The following OPA1 variants were observed in gnomAD, a reference collection of about 807,000 sequenced individuals.
OPA1 encodes the protein dynamin-like GTPase OPA1, mitochondrial.
Under a neutral mutation model 152.9 loss-of-function variants are expected in OPA1, and 59 were observed. The ratio of observed to expected loss-of-function variants is 0.39; its 90% CI spans 0.31 to 0.48. OPA1 has a LOEUF of 0.48. Among genes scored for constraint, OPA1 ranks in the 20% least tolerant of loss-of-function variants. OPA1 has a pLI of 0.96. For missense variants in OPA1, 1,008 were observed against 1,216.8 expected (o/e 0.83, Z 2.55); for synonymous variants, 400 against 389.9 (o/e 1.03, Z -0.31).
intron 29 of OPA1, among the ~76,000 whole-genome samples, chr3:193,678,943 AGTT>A (rs1719653725): frequency 1.3e-5 from 2 of 152,150 alleles, no homozygotes; most frequent in Admixed American, 6.5e-5. Flanking sequence ...CTTCTACTGA[AGTT>A]GTTTTTTTTT....
At chr3:193,668,279 C>A (rs1258851363) in intron 29 of OPA1, 16 of 1,495,396 alleles carry the variant, frequency 1.1e-5, no homozygotes, top group Non-Finnish European at 1.5e-5. Flanking sequence ...TATACGTAAC[C>A]CAACTTGAAT....
At chr3:193,649,707 C>T (rs1711918075) in intron 21 of OPA1, among the ~76,000 whole-genome samples, 1 of 152,176 alleles carries the variant, frequency 6.6e-6, no homozygotes, top group Non-Finnish European at 1.5e-5. Context: ...CTAGTTTCCT[C>T]ATTTCAGTGC....
intron 29 of OPA1, among the ~76,000 whole-genome samples, chr3:193,681,499 T>A (rs872663): frequency 0.43 from 65,571 of 152,018 alleles, 14,407 homozygotes; most frequent in Non-Finnish European, 0.43. Context: ...CAGATAAAAT[T>A]GGTGCCCCTC....
intron 30 of OPA1, among the ~76,000 whole-genome samples, chr3:193,693,664 A>G (rs1300520581): frequency 7.2e-5 from 11 of 152,216 alleles, no homozygotes. Flanking sequence ...AGACAGATAT[A>G]TGGAAATATA....
rs1201665034 is a variant in OPA1 at position 193,645,735 on chromosome 3, C to T, written c.1689C>T (p.Ser563=). ...ACCATCATTCTTCCCCAGGGAACAG[C>T]TCTGAAAGCATTGAAGCTATAAGAG... ...YFAVVTGKGN[S]SESIEAIREY... is the part of the protein sequence containing the mutation. Residue 563 remains serine, a synonymous_variant, in exon 18 of 31, where the codon AGC becomes AGT. Transcript: ENST00000361510. 1 of 1,613,572 alleles carries T rather than the reference C, an allele frequency of 6.2e-7. No homozygotes were observed. The highest frequency in any genetic ancestry group is 8.5e-7 in the Non-Finnish European group (1 of 1,179,662).
intron 26 of OPA1, among the ~76,000 whole-genome samples, chr3:193,663,905 T>G (rs1715902559): frequency 6.6e-6 from 1 of 152,174 alleles, no homozygotes; most frequent in Admixed American, 6.5e-5. Context: ...GATTTAGGTT[T>G]TATTCTTGTT....
At chr3:193,667,502 C>G (rs1225319838) in intron 29 of OPA1, 3 of 496,676 alleles carry the variant, frequency 6.0e-6, no homozygotes, top group Non-Finnish European at 1.1e-5. Flanking sequence ...AACCCCGTCT[C>G]TACTAAAAAT....
At chr3:193,595,190 T>C (rs1725306084) in intron 1 of OPA1, among the ~76,000 whole-genome samples, 1 of 152,214 alleles carries the variant, frequency 6.6e-6, no homozygotes, top group Non-Finnish European at 1.5e-5. Context: ...TTTGCTATAG[T>C]TCCTTTGCAT....
At chr3:193,667,985 G>A (rs1717019257) in intron 29 of OPA1, among the ~76,000 whole-genome samples, 1 of 152,248 alleles carries the variant, frequency 6.6e-6, no homozygotes, top group Non-Finnish European at 1.5e-5. Context: ...GCTGTTATTG[G>A]AATATCACTG....
At position 193,659,348 on chromosome 3, in the gene OPA1, G is replaced by C. The variant is rs375372517; in HGVS notation, c.2441-134G>C. On this transcript the variant is annotated intron_variant, in intron 24 of 30. Coordinates refer to ENST00000361510, the MANE Select transcript of OPA1 (RefSeq NM_130837.3). Reference sequence around the variant, plus strand: ...CACATGTGCCATATCAGTCATGTGGGTTTTTTCCTTTATTTCAACTGCCTT... The same window carrying C: ...CACATGTGCCATATCAGTCATGTGGCTTTTTTCCTTTATTTCAACTGCCTT... The C allele has an allele frequency of 1.2e-3, 904 of 769,508 alleles. 8 individuals carry two copies. In the African/African-American group the frequency reaches 0.014, roughly 12 times the overall value. The allele number at this position is 769,508 out of a possible 1,614,324, so 47.7% of individuals were successfully genotyped here.
intron 28 of OPA1, among the ~76,000 whole-genome samples, chr3:193,666,739 A>G (rs1389114953): frequency 1.3e-5 from 2 of 152,168 alleles, no homozygotes; most frequent in Non-Finnish European, 1.5e-5. Context: ...ACAATGAGCT[A>G]TGATCATACT....
At position 193,635,615 on chromosome 3, in the gene OPA1, T is replaced by G; in HGVS notation, c.948+93T>G. On this transcript the variant is annotated intron_variant, in intron 9 of 30. Coordinates refer to ENST00000361510, the MANE Select transcript of OPA1 (RefSeq NM_130837.3). ...GTTTCTAAGGAGCTGTAAAGTATTCTGTCATCCTTTTCTTTCTAACCTAAT... is the reference window on the plus strand; with the variant it reads ...GTTTCTAAGGAGCTGTAAAGTATTCGGTCATCCTTTTCTTTCTAACCTAAT... 2 of 783,090 alleles carry G rather than the reference T, an allele frequency of 2.6e-6. 1 individual carries two copies. Among genetic ancestry groups the G allele is most frequent in the Admixed American group, 3.6e-5 (2 of 55,094 alleles). 48.5% of individuals were successfully genotyped at this position (783,090 alleles called of 1,614,324 possible).
chr3:193,645,774 G>A lies in OPA1; in HGVS notation c.1728G>A (p.Glu576=). Residue 576 remains glutamate (E), a synonymous_variant, in exon 18 of 31, where the codon GAG becomes GAA. Transcript: ENST00000361510. ...AAGCTATAAGAGAATATGAAGAAGAGTTTTTTCAGAATTCAAAGCTCCTAA... is the reference window on the plus strand; with the variant it reads ...AAGCTATAAGAGAATATGAAGAAGAATTTTTTCAGAATTCAAAGCTCCTAA... The part of the protein sequence containing the change: ...SIEAIREYEE[E]FFQNSKLLKT... 1 of 1,613,394 alleles carries A rather than the reference G, an allele frequency of 6.2e-7. No individual in the cohort carries two copies. Among genetic ancestry groups the A allele is most frequent in the Non-Finnish European group, 8.5e-7 (1 of 1,179,596 alleles).
Position 193,593,272 on chromosome 3 carries a change from T to G in OPA1, c.-106T>G, listed in dbSNP as rs1023014223. The G allele has an allele frequency of 2.3e-5, 28 of 1,215,042 alleles. No homozygotes were observed. The highest frequency in any genetic ancestry group is 2.9e-4 in the Middle Eastern group (1 of 3,506). 75.3% of individuals were successfully genotyped at this position (1,215,042 alleles called of 1,614,324 possible). A position where few individuals can be genotyped will look rare whatever the true frequency, so the allele number is the denominator to read the frequency against. ...GGCCGCGGCTCTGTGCCCTTGCTGC[T>G]GAGGGCCACTTCCTGGGTCATTCCT... On this transcript the variant is annotated 5_prime_UTR_variant, in exon 1 of 31. Coordinates refer to ENST00000361510, the MANE Select transcript of OPA1 (RefSeq NM_130837.3).
chr3:193,601,271 G>A (rs1238432569), intron 1 of OPA1, among the ~76,000 whole-genome samples: 9 of 151,948 alleles, frequency 5.9e-5, no homozygotes, highest in South Asian at 2.1e-4. Context: ...GCTTATCCTC[G>A]TCTATTTCGA....
intron 6 of OPA1, among the ~76,000 whole-genome samples, chr3:193,625,499 C>A (rs549382433): frequency 4.6e-5 from 7 of 151,368 alleles, no homozygotes; most frequent in African/African-American, 9.8e-5. Context: ...ATCAAAACAA[C>A]CTGAAACATT....
At chr3:193,693,207 T>A (rs1721910833) in intron 30 of OPA1, among the ~76,000 whole-genome samples, 1 of 152,154 alleles carries the variant, frequency 6.6e-6, no homozygotes, top group Admixed American at 6.5e-5. Context: ...GGAAAATGTA[T>A]TTGAGAAAGC....
intron 16 of OPA1, among the ~76,000 whole-genome samples, chr3:193,644,600 G>C (rs1311974967): frequency 6.6e-6 from 1 of 152,176 alleles, no homozygotes; most frequent in Non-Finnish European, 1.5e-5. Context: ...AAGGACAGTA[G>C]TCTCAGGCCT....
chr3:193,663,037 T>C, intron 26 of OPA1, 75 bp downstream of exon 26: 1 of 1,447,868 alleles, frequency 6.9e-7, no homozygotes, highest in South Asian at 1.2e-5. Flanking sequence ...ACTACATGTG[T>C]TAGTTAGATA....
Sources: allele counts gnomAD v4.1 joint callset (sites outside exome capture counted in the v4.1 genomes callset), GRCh38; gene constraint gnomAD v4.1.1; transcripts MANE v1.5; gene names NCBI Gene and HGNC (gene_info 2026-07-23, HGNC 2026-07-21).